The following CNTNAP4 variants were observed in gnomAD, a reference collection of about 807,000 sequenced individuals.
The protein encoded by CNTNAP4 is contactin associated protein family member 4, also known as contactin-associated protein-like 4.
In CNTNAP4, 98 loss-of-function variants were observed where a neutral mutation model predicts 148.4. The ratio of observed to expected loss-of-function variants is 0.66; its 90% CI spans 0.56 to 0.78. CNTNAP4 has a LOEUF of 0.78. Among genes scored for constraint, CNTNAP4 ranks in the 30% least tolerant of loss-of-function variants. CNTNAP4 has a pLI of 0.00. For missense variants in CNTNAP4, 1,935 were observed against 1,565.6 expected (o/e 1.24, Z -3.98); for synonymous variants, 730 against 565.1 (o/e 1.29, Z -4.14).
chr16:76,393,448 G>A (rs1415218927), intron 3 of CNTNAP4, among the ~76,000 whole-genome samples: 1 of 152,194 alleles, frequency 6.6e-6, no homozygotes, highest in Non-Finnish European at 1.5e-5. Context: ...TATTCATTCA[G>A]TCAGTCTGTA....
chr16:76,479,336 G>C, intron 11 of CNTNAP4, 83 bp from the exon 12 acceptor site: 1 of 1,250,818 alleles, frequency 8.0e-7, no homozygotes, highest in Non-Finnish European at 1.1e-6. Context: ...TAAATTTCAA[G>C]ATTTGCGGTA....
At chr16:76,500,641 T>TGC (rs1281604557) in intron 15 of CNTNAP4, among the ~76,000 whole-genome samples, 20 of 139,706 alleles carry the variant, frequency 1.4e-4, no homozygotes, top group East Asian at 6.3e-4. Context: ...TGTGTGTGTG[T>TGC]GTCTGTGTGC....
intron 21 of CNTNAP4, among the ~76,000 whole-genome samples, chr16:76,548,935 A>G (rs1285877686): frequency 1.3e-5 from 2 of 152,194 alleles, no homozygotes; most frequent in African/African-American, 4.8e-5. Flanking sequence ...GAGCAACTTA[A>G]TATAGCTGCT....
At chr16:76,397,922 G>A (rs1228464137) in intron 3 of CNTNAP4, among the ~76,000 whole-genome samples, 1 of 81,068 alleles carries the variant, frequency 1.2e-5, no homozygotes, top group Non-Finnish European at 2.5e-5. Context: ...TTCTCTAGAG[G>A]GACAGAACTA....
intron 12 of CNTNAP4, among the ~76,000 whole-genome samples, chr16:76,487,123 C>G (rs2082055909): frequency 6.6e-6 from 1 of 152,170 alleles, no homozygotes; most frequent in Non-Finnish European, 1.5e-5. Context: ...CATTATTTAG[C>G]AATTCTATTA....
chr16:76,361,116 C>G (rs2013384049), intron 3 of CNTNAP4, among the ~76,000 whole-genome samples: 1 of 151,994 alleles, frequency 6.6e-6, no homozygotes, highest in Non-Finnish European at 1.5e-5. Flanking sequence ...AGGCACCGCG[C>G]CCGGCCCATT....
intron 2 of CNTNAP4, among the ~76,000 whole-genome samples, chr16:76,345,710 C>T (rs1019900857): frequency 6.6e-6 from 1 of 152,164 alleles, no homozygotes; most frequent in Non-Finnish European, 1.5e-5. Context: ...GGGTGGCTCC[C>T]AGGTCCTTGA....
At chr16:76,356,651 C>T (rs907508429) in intron 3 of CNTNAP4, among the ~76,000 whole-genome samples, 1 of 152,188 alleles carries the variant, frequency 6.6e-6, no homozygotes, top group African/African-American at 2.4e-5. Context: ...CTATTCTCCC[C>T]TCTCTGGCTG....
At chr16:76,421,906 C>T (rs747927973) in intron 3 of CNTNAP4, among the ~76,000 whole-genome samples, 14 of 152,134 alleles carry the variant, frequency 9.2e-5, no homozygotes, top group Non-Finnish European at 1.8e-4. Context: ...CTATGTGTAA[C>T]GGGTCCCATG....
At chr16:76,413,170 C>T (rs1283565280) in intron 3 of CNTNAP4, among the ~76,000 whole-genome samples, 2 of 151,112 alleles carry the variant, frequency 1.3e-5, no homozygotes, top group Non-Finnish European at 3.0e-5. Context: ...TATAGTCACC[C>T]TGTTGTGCTA....
intron 2 of CNTNAP4, among the ~76,000 whole-genome samples, chr16:76,350,532 G>A (rs368452554): frequency 5.6e-4 from 86 of 152,246 alleles, no homozygotes; most frequent in African/African-American, 1.8e-3. Context: ...TCAGAAATCT[G>A]ATGTTGAAAA....
At chr16:76,416,079 G>C (rs1405738245) in intron 3 of CNTNAP4, among the ~76,000 whole-genome samples, 1 of 150,742 alleles carries the variant, frequency 6.6e-6, no homozygotes, top group African/African-American at 2.4e-5. Context: ...TTCTTCTTCT[G>C]ATATCCATGG....
Position 76,321,929 on chromosome 16 carries a change from A to ACC in CNTNAP4, c.196+5406_196+5407insCC, listed in dbSNP as rs1430367156. Among the ~76,000 whole-genome samples the ACC allele has an allele frequency of 6.1e-3, 931 of 152,266 alleles. 9 individuals carry two copies. Among genetic ancestry groups the ACC allele is most frequent in the African/African-American group, 0.021 (884 of 41,540 alleles). ...GATTGAAAAATCTCAAGCCTAGAGA[A>ACC]AGGGGAACCTGGCTGGCACAACTGG... On this transcript the variant is annotated intron_variant, in intron 2 of 23. Coordinates refer to ENST00000611870, the MANE Select transcript of CNTNAP4 (RefSeq NM_033401.5).
At chr16:76,460,492 T>G (rs1434324893) in intron 8 of CNTNAP4, among the ~76,000 whole-genome samples, 2 of 148,086 alleles carry the variant, frequency 1.4e-5, no homozygotes, top group East Asian at 2.2e-4. Flanking sequence ...CCAGGCGCGG[T>G]GGCTCACGCC....
At position 76,558,772 on chromosome 16, in the gene CNTNAP4, T is replaced by C. The variant is rs924927191; in HGVS notation, c.*89T>C. 4 of 1,012,084 alleles carry C rather than the reference T, an allele frequency of 4.0e-6. No homozygotes were observed. Among genetic ancestry groups the C allele is most frequent in the African/African-American group, 3.3e-5 (2 of 61,220 alleles). 62.7% of individuals were successfully genotyped at this position (1,012,084 alleles called of 1,614,324 possible). ...GAAAAACGAATGCTCTTACACTGAA[T>C]GTACAGGCAGTGGGCTTGCAGCACT... On this transcript the variant is annotated 3_prime_UTR_variant, in exon 24 of 24. Transcript: ENST00000611870.
At chr16:76,286,539 T>A (rs527725057) in intron 1 of CNTNAP4, among the ~76,000 whole-genome samples, 1 of 152,242 alleles carries the variant, frequency 6.6e-6, no homozygotes, top group South Asian at 2.1e-4. Flanking sequence ...TAACTCAACT[T>A]CTTCTCCCAC....
At chr16:76,460,329 G>A (rs558752296) in intron 8 of CNTNAP4, among the ~76,000 whole-genome samples, 3 of 151,372 alleles carry the variant, frequency 2.0e-5, no homozygotes, top group East Asian at 2.0e-4. Context: ...GGCTGGTCTC[G>A]AACTCCCGAC....
intron 3 of CNTNAP4, among the ~76,000 whole-genome samples, chr16:76,421,389 A>G (rs566592547): frequency 1.4e-4 from 21 of 152,120 alleles, no homozygotes; most frequent in African/African-American, 4.8e-4. Context: ...TCTCATTGCT[A>G]TTTCTTTATT....
chr16:76,335,121 T>C (rs1442835210), intron 2 of CNTNAP4, among the ~76,000 whole-genome samples: 2 of 152,048 alleles, frequency 1.3e-5, no homozygotes, highest in African/African-American at 4.8e-5. Flanking sequence ...AGGTGGGTTA[T>C]TTTCATTGTA....
Sources: gnomAD v4.1 joint callset for allele counts (sites outside exome capture counted in the v4.1 genomes callset) on GRCh38, gnomAD v4.1.1 for gene constraint, MANE v1.5 for transcripts, NCBI Gene and HGNC (gene_info 2026-07-23, HGNC 2026-07-21) for gene names.